DIAPH2: variants seen among roughly 807,000 people sequenced by gnomAD.
The protein encoded by DIAPH2 is protein diaphanous homolog 2.
In DIAPH2, 35 loss-of-function variants were observed where a neutral mutation model predicts 92.7. That is an observed-to-expected ratio of 0.38 (90% CI 0.29 to 0.50). The LOEUF (loss-of-function observed/expected upper bound fraction) is 0.50, where lower values mean the gene tolerates loss of function less well. DIAPH2 is among the 20% of genes least tolerant of loss of function. The probability of loss-of-function intolerance (pLI) is 0.94; values close to 1 mark genes in which losing one functional copy is unlikely to be tolerated. For missense variants in DIAPH2, 701 were observed against 819.5 expected (o/e 0.86, Z 1.77); for synonymous variants, 301 against 280.4 (o/e 1.07, Z -0.73).
rs760847437 is a variant in DIAPH2, at chrX:97,439,103, G to A, written c.3241+9358G>A. 2.7e-5 allele frequency among the ~76,000 whole-genome samples: 3 copies of A among 111,203 alleles called. No individual in the cohort carries two copies. In the South Asian group the frequency reaches 1.2e-3, roughly 43 times the overall value. On this transcript the variant is annotated intron_variant, in intron 26 of 26. Coordinates refer to ENST00000324765, the MANE Select transcript of DIAPH2 (RefSeq NM_006729.5). The stretch of plus-strand genomic sequence containing the variant: ...AGGAGAGATATTCTTGAGTTAACAG[G>A]GTAGAAGAGGGTAGGATGGAAAAGG...
intron 26 of DIAPH2, among the ~76,000 whole-genome samples, chrX:97,485,338 C>A (rs186740818): frequency 9.0e-6 from 1 of 111,559 alleles, no homozygotes; most frequent in African/African-American, 3.3e-5. Context: ...AACCTCTTAA[C>A]CCTCAGTGCC....
chrX:96,946,025 T>A (rs2147807315), intron 14 of DIAPH2, among the ~76,000 whole-genome samples: 1 of 111,798 alleles, frequency 8.9e-6, no homozygotes, highest in South Asian at 3.8e-4. Flanking sequence ...CATGTTGCAG[T>A]GTTTTCTCTC....
chrX:96,803,016 TC>T (rs1037497519), intron 4 of DIAPH2, among the ~76,000 whole-genome samples: 1 of 111,254 alleles, frequency 9.0e-6, no homozygotes, highest in African/African-American at 3.3e-5. Flanking sequence ...CATTCCACCT[TC>T]CTCTGCCTGC....
intron 4 of DIAPH2, among the ~76,000 whole-genome samples, chrX:96,810,612 G>A (rs1177951179): frequency 9.0e-6 from 1 of 111,473 alleles, no homozygotes. Context: ...GTCCTGAATG[G>A]TATTGCCTAG....
At chrX:97,259,035 C>T (rs2063762345) in intron 23 of DIAPH2, among the ~76,000 whole-genome samples, 1 of 111,231 alleles carries the variant, frequency 9.0e-6, no homozygotes, top group Non-Finnish European at 1.9e-5. Flanking sequence ...AGGCAAATCA[C>T]CTGAGGTCAG....
chrX:97,064,229 A>C (rs1003439248), intron 17 of DIAPH2, among the ~76,000 whole-genome samples: 1 of 111,636 alleles, frequency 9.0e-6, no homozygotes, highest in Non-Finnish European at 1.9e-5. Context: ...GATATCTAAA[A>C]TTTGTCTCAA....
intron 23 of DIAPH2, among the ~76,000 whole-genome samples, chrX:97,337,390 T>C (rs1273453091): frequency 9.0e-6 from 1 of 111,114 alleles, no homozygotes; most frequent in Non-Finnish European, 1.9e-5. Context: ...TGGGAAGTGA[T>C]TGGATCATGG....
intron 26 of DIAPH2, among the ~76,000 whole-genome samples, chrX:97,532,942 T>C (rs749688528): frequency 7.3e-4 from 82 of 111,774 alleles, no homozygotes; most frequent in Non-Finnish European, 1.3e-3. Flanking sequence ...TTAGTCAAAT[T>C]TAATCTTAGT....
rs1569323317 is a variant in DIAPH2, at chrX:97,185,460, T to C, written c.2719+43666T>C. 4.6e-4 allele frequency among the ~76,000 whole-genome samples: 22 copies of C among 47,724 alleles called. 1 individual carries two copies. The highest frequency in any genetic ancestry group is 1.5e-3 in the African/African-American group (12 of 8,248). The allele number at this position is 47,724 out of a possible 115,157, so 41.4% of individuals were successfully genotyped here. A position where few individuals can be genotyped will look rare whatever the true frequency, so the allele number is the denominator to read the frequency against. Reference sequence around the variant, plus strand: ...GTGTATATATATATGTGTGTGTATATATATATATATACACATATATATATA... The same window carrying C: ...GTGTATATATATATGTGTGTGTATACATATATATATACACATATATATATA... On this transcript the variant is annotated intron_variant, in intron 22 of 26. Coordinates refer to ENST00000324765, the MANE Select transcript of DIAPH2 (RefSeq NM_006729.5).
At chrX:97,421,022 C>T (rs1398701046) in intron 25 of DIAPH2, among the ~76,000 whole-genome samples, 1 of 112,285 alleles carries the variant, frequency 8.9e-6, no homozygotes, top group Non-Finnish European at 1.9e-5. Flanking sequence ...ATTCTTCACT[C>T]ACTTCCAATT....
At chrX:96,753,170 T>C (rs1448455839) in intron 3 of DIAPH2, among the ~76,000 whole-genome samples, 5 of 111,862 alleles carry the variant, frequency 4.5e-5, no homozygotes, top group African/African-American at 1.6e-4. Flanking sequence ...TGTTCCAGAG[T>C]TGATTCTACT....
chrX:97,207,325 G>A (rs1340787776), intron 22 of DIAPH2, among the ~76,000 whole-genome samples: 3 of 111,807 alleles, frequency 2.7e-5, no homozygotes, highest in Non-Finnish European at 5.6e-5. Flanking sequence ...TAGATTGAAA[G>A]TACTCATTCA....
intron 17 of DIAPH2, among the ~76,000 whole-genome samples, chrX:97,017,522 G>A (rs1006936830): frequency 8.9e-6 from 1 of 111,957 alleles, no homozygotes; most frequent in Non-Finnish European, 1.9e-5. Context: ...TATGTTCAAT[G>A]TAAGTTCCAC....
At chrX:97,102,721 C>A (rs2066914259) in intron 20 of DIAPH2, among the ~76,000 whole-genome samples, 1 of 111,799 alleles carries the variant, frequency 8.9e-6, no homozygotes, top group African/African-American at 3.3e-5. Context: ...GGGAGGATCA[C>A]CTGAGGTCAG....
intron 22 of DIAPH2, among the ~76,000 whole-genome samples, chrX:97,210,986 C>T (rs891203519): frequency 8.9e-6 from 1 of 111,933 alleles, no homozygotes; most frequent in Non-Finnish European, 1.9e-5. Flanking sequence ...GAAATCAATG[C>T]ACAGTGCACT....
chrX:96,698,947 T>C (rs892212251), intron 1 of DIAPH2, among the ~76,000 whole-genome samples: 4 of 108,693 alleles, frequency 3.7e-5, no homozygotes, highest in Non-Finnish European at 7.6e-5. Flanking sequence ...CCCAGGCTGG[T>C]CTGGAACTCC....
intron 25 of DIAPH2, among the ~76,000 whole-genome samples, chrX:97,404,857 T>A (rs2069793679): frequency 1.8e-5 from 2 of 112,418 alleles, no homozygotes; most frequent in African/African-American, 6.5e-5. Context: ...ACCTGATAAA[T>A]TCTAATACAC....
intron 4 of DIAPH2, among the ~76,000 whole-genome samples, chrX:96,812,682 A>C (rs1018475092): frequency 8.9e-6 from 1 of 111,909 alleles, no homozygotes; most frequent in Non-Finnish European, 1.9e-5. Context: ...CCCTCTACAC[A>C]CTGCATTAAA....
At chrX:97,593,412 C>A (rs1041843255) in intron 26 of DIAPH2, among the ~76,000 whole-genome samples, 1 of 110,152 alleles carries the variant, frequency 9.1e-6, no homozygotes, top group Non-Finnish European at 1.9e-5. Flanking sequence ...AAGAAACAAA[C>A]TGGTGTGGAA....
Sources: gnomAD v4.1 joint callset for allele counts (sites outside exome capture counted in the v4.1 genomes callset) on GRCh38, gnomAD v4.1.1 for gene constraint, MANE v1.5 for transcripts, NCBI Gene and HGNC (gene_info 2026-07-23, HGNC 2026-07-21) for gene names.